TENM3: variants seen among roughly 807,000 people sequenced by gnomAD.
TENM3 encodes the protein teneurin transmembrane protein 3, also known as teneurin-3.
TENM3 carries 63 observed loss-of-function variants against 255.1 expected under a neutral mutation model. The ratio of observed to expected loss-of-function variants is 0.25; its 90% CI spans 0.20 to 0.30. The LOEUF (loss-of-function observed/expected upper bound fraction) is 0.30. Ranked by LOEUF, TENM3 falls within the 10% of genes least tolerant of loss-of-function variation. The pLI is 1.00. For synonymous variants in TENM3, 1,306 were observed against 1,322.3 expected (o/e 0.99, Z 0.27); for missense variants, 2,929 against 3,461.1 (o/e 0.85, Z 3.86).
At chr4:181,665,427 A>G in the TENM3 span, among the ~76,000 whole-genome samples, 1 of 152,196 alleles carries the variant, frequency 6.6e-6, no homozygotes, top group Non-Finnish European at 1.5e-5. Flanking sequence ...TGCTCTACAT[A>G]TTTAAGCATC....
At chr4:182,761,302 C>T (rs757314542) in intron 22 of TENM3, among the ~76,000 whole-genome samples, 1 of 151,994 alleles carries the variant, frequency 6.6e-6, no homozygotes, top group East Asian at 1.9e-4. Context: ...ACCTATAATC[C>T]CAGCTACTCG....
the TENM3 span, among the ~76,000 whole-genome samples, chr4:181,728,832 C>T: frequency 8.5e-5 from 13 of 152,190 alleles, no homozygotes; most frequent in East Asian, 9.7e-4. Context: ...AAGATGGAGT[C>T]GCTCTGGTTC....
the TENM3 span, among the ~76,000 whole-genome samples, chr4:182,014,346 G>A: frequency 1.3e-5 from 2 of 151,614 alleles, no homozygotes; most frequent in Non-Finnish European, 2.9e-5. Flanking sequence ...TCTACCTATG[G>A]TGACGTCACT....
the TENM3 span, among the ~76,000 whole-genome samples, chr4:181,926,782 A>G: frequency 6.6e-6 from 1 of 152,012 alleles, no homozygotes; most frequent in Non-Finnish European, 1.5e-5. Context: ...TACAGAAGGC[A>G]GTGATTTCTG....
intron 3 of TENM3, among the ~76,000 whole-genome samples, chr4:182,354,128 C>G (rs964653003): frequency 2.6e-5 from 4 of 152,094 alleles, no homozygotes; most frequent in Admixed American, 6.6e-5. Flanking sequence ...TTTCAGAAAG[C>G]TTGGCAGTTT....
chr4:182,415,334 G>T (rs192721735), intron 3 of TENM3, among the ~76,000 whole-genome samples: 41 of 152,254 alleles, frequency 2.7e-4, no homozygotes, highest in Admixed American at 1.8e-3. Context: ...TTTGGCAGTA[G>T]GAAGGAAGTC....
chr4:182,439,598 T>C (rs1415163086), intron 3 of TENM3, among the ~76,000 whole-genome samples: 1 of 152,200 alleles, frequency 6.6e-6, no homozygotes, highest in Admixed American at 6.5e-5. Flanking sequence ...TCTAGAAGGT[T>C]TGAAGAAAAA....
chr4:182,371,598 T>C (rs1766819667), intron 3 of TENM3, among the ~76,000 whole-genome samples: 1 of 152,170 alleles, frequency 6.6e-6, no homozygotes, highest in Non-Finnish European at 1.5e-5. Context: ...ATAAAATTCT[T>C]ATTTCCTGGA....
the TENM3 span, among the ~76,000 whole-genome samples, chr4:181,757,045 A>G: frequency 6.6e-6 from 1 of 152,220 alleles, no homozygotes; most frequent in Non-Finnish European, 1.5e-5. Flanking sequence ...CTGTAAGAAT[A>G]GGTTACAGCA....
chr4:182,560,118 C>T (rs923707347), intron 3 of TENM3, among the ~76,000 whole-genome samples: 41 of 148,632 alleles, frequency 2.8e-4, no homozygotes, highest in African/African-American at 9.7e-4. Context: ...ACTATCCCCA[C>T]AACAGTACAT....
At position 182,673,173 on chromosome 4, in the gene TENM3, TG is replaced by T; in HGVS notation, c.1281del (p.Ile428LeufsTer27). On this transcript the variant is annotated frameshift_variant, in exon 7 of 28. Coordinates refer to ENST00000511685, the MANE Select transcript of TENM3 (RefSeq NM_001080477.4). LOFTEE classifies it high-confidence loss of function. ...AATATCTCTCTTCAGAAGGATGCAT[TG>T]ATTGGAGTATATGGCCGGAAAGGCT... ...KFNISLQKDALIGVYGRKGLP... is the reference protein window; with the variant it reads ...KFNISLQKDAXIGVYGRKGLP... 1 of 1,613,860 alleles carries T rather than the reference TG, an allele frequency of 6.2e-7. No homozygotes were observed. Among genetic ancestry groups the T allele is most frequent in the Non-Finnish European group, 8.5e-7 (1 of 1,179,792 alleles).
chr4:182,381,058 C>G (rs1767529384), intron 3 of TENM3, among the ~76,000 whole-genome samples: 1 of 152,166 alleles, frequency 6.6e-6, no homozygotes. Context: ...GCTTGAGTCT[C>G]TCCGTACCCC....
the TENM3 span, among the ~76,000 whole-genome samples, chr4:181,702,219 G>A: frequency 2.6e-5 from 4 of 152,174 alleles, no homozygotes; most frequent in African/African-American, 4.8e-5. Flanking sequence ...TCTGGTCCTC[G>A]CTGTCATTCC....
the TENM3 span, among the ~76,000 whole-genome samples, chr4:182,059,765 A>G: frequency 4.1e-5 from 5 of 120,810 alleles, no homozygotes; most frequent in South Asian, 2.4e-4. Flanking sequence ...AAAAAAAAGA[A>G]AAAAAAAAAA....
At chr4:182,041,201 A>G in the TENM3 span, among the ~76,000 whole-genome samples, 2 of 152,048 alleles carry the variant, frequency 1.3e-5, no homozygotes, top group African/African-American at 4.8e-5. Context: ...TCGTGTATGT[A>G]TGTGTATGTG....
chr4:181,917,015 C>A, the TENM3 span, among the ~76,000 whole-genome samples: 1 of 152,090 alleles, frequency 6.6e-6, no homozygotes, highest in Admixed American at 6.6e-5. Context: ...TTAAAGAAAT[C>A]CTTTCTCAGG....
At chr4:181,621,749 A>T in the TENM3 span, among the ~76,000 whole-genome samples, 1 of 152,296 alleles carries the variant, frequency 6.6e-6, no homozygotes, top group East Asian at 1.9e-4. Flanking sequence ...AAGGGAAAAG[A>T]TCCAACCACA....
chr4:181,981,636 G>C, the TENM3 span, among the ~76,000 whole-genome samples: 2 of 152,110 alleles, frequency 1.3e-5, no homozygotes, highest in Non-Finnish European at 2.9e-5. Flanking sequence ...GCTGGAAGGG[G>C]TTGGACTTTG....
intron 6 of TENM3, among the ~76,000 whole-genome samples, chr4:182,658,697 G>A (rs1753966480): frequency 6.6e-6 from 1 of 152,234 alleles, no homozygotes; most frequent in Non-Finnish European, 1.5e-5. Flanking sequence ...GTGGTTCAGT[G>A]AATTGGCCAG....
Sources: allele counts gnomAD v4.1 joint callset (sites outside exome capture counted in the v4.1 genomes callset), GRCh38; gene constraint gnomAD v4.1.1; transcripts MANE v1.5; gene names NCBI Gene and HGNC (gene_info 2026-07-23, HGNC 2026-07-21).